Variants in IQGAP2 observed in about 807,000 individuals in gnomAD.
The protein encoded by IQGAP2 is ras GTPase-activating-like protein IQGAP2.
IQGAP2 carries 173 observed loss-of-function variants against 201.3 expected under a neutral mutation model. The observed-to-expected ratio is 0.86, with a 90% CI of 0.76 to 0.98. The LOEUF (loss-of-function observed/expected upper bound fraction) is 0.98. IQGAP2 is among the 50% of genes least tolerant of loss of function. The pLI, the probability that IQGAP2 is intolerant of heterozygous loss-of-function variation, is 0.00. For synonymous variants in IQGAP2, 675 were observed against 673.9 expected (o/e 1.00, Z -0.03); for missense variants, 1,687 against 1,864.8 (o/e 0.90, Z 1.76).
At chr5:76,516,364 C>T (rs1451400772) in intron 2 of IQGAP2, among the ~76,000 whole-genome samples, 1 of 152,138 alleles carries the variant, frequency 6.6e-6, no homozygotes, top group Admixed American at 6.5e-5. Flanking sequence ...ATTAAGATTT[C>T]AGGTGGACAT....
intron 1 of IQGAP2, among the ~76,000 whole-genome samples, chr5:76,457,393 C>A (rs1456366990): frequency 2.0e-5 from 3 of 152,132 alleles, no homozygotes; most frequent in Non-Finnish European, 4.4e-5. Context: ...TCTTGCCAAC[C>A]CTCCCTTCAA....
intron 1 of IQGAP2, among the ~76,000 whole-genome samples, chr5:76,423,780 G>A (rs1751857380): frequency 6.6e-6 from 1 of 152,210 alleles, no homozygotes; most frequent in African/African-American, 2.4e-5. Flanking sequence ...CACTGAGCTA[G>A]TGAGAGAGGG....
At chr5:76,553,856 G>T (rs1399446808) in intron 2 of IQGAP2, among the ~76,000 whole-genome samples, 1 of 152,218 alleles carries the variant, frequency 6.6e-6, no homozygotes, top group South Asian at 2.1e-4. Context: ...AGCAGTGAAT[G>T]CAAGGACAGT....
chr5:76,464,283 G>A (rs1754653122), intron 2 of IQGAP2, among the ~76,000 whole-genome samples: 1 of 152,186 alleles, frequency 6.6e-6, no homozygotes, highest in Admixed American at 6.5e-5. Context: ...TTGAATGCAA[G>A]AAATACAGGA....
At chr5:76,610,917 T>C in intron 12 of IQGAP2, 103 bp from the exon 13 acceptor site, 3 of 875,172 alleles carry the variant, frequency 3.4e-6, no homozygotes, top group South Asian at 1.9e-5. Context: ...TCTTGCATCC[T>C]ATAGCCTTGC....
intron 1 of IQGAP2, among the ~76,000 whole-genome samples, chr5:76,441,950 C>T (rs1420612159): frequency 6.6e-6 from 1 of 152,140 alleles, no homozygotes; most frequent in East Asian, 1.9e-4. Flanking sequence ...GCAGGAAGAG[C>T]TGTTCTACCT....
chr5:76,557,968 G>A (rs911660029), intron 2 of IQGAP2, among the ~76,000 whole-genome samples: 4 of 152,000 alleles, frequency 2.6e-5, no homozygotes, highest in Non-Finnish European at 5.9e-5. Flanking sequence ...TACGATGCCT[G>A]GCTAATTTTT....
intron 2 of IQGAP2, among the ~76,000 whole-genome samples, chr5:76,468,828 T>A (rs538113645): frequency 6.6e-6 from 1 of 152,346 alleles, no homozygotes; most frequent in East Asian, 1.9e-4. Flanking sequence ...TATTCCTCTT[T>A]ATCTAGTCAG....
rs149690686 is a variant in IQGAP2 at position 76,646,848 on chromosome 5, G to A, written c.2094+5745G>A. 1.6e-3 allele frequency among the ~76,000 whole-genome samples: 247 copies of A among 152,082 alleles called. 1 individual carries two copies. The highest frequency in any genetic ancestry group is 2.9e-3 in the Non-Finnish European group (195 of 67,980). On this transcript the variant is annotated intron_variant, in intron 17 of 35. Transcript: ENST00000274364. ...TTCCTTTATATTTAAGTTTACTCAT[G>A]TATATTTTTCTGCTATTGTGAATAA...
At position 76,606,262 on chromosome 5, in the gene IQGAP2, G is replaced by A; in HGVS notation, c.1316G>A (p.Cys439Tyr). 1 of 1,604,320 alleles carries A rather than the reference G, an allele frequency of 6.2e-7. No homozygotes were observed. The highest frequency in any genetic ancestry group is 8.5e-7 in the Non-Finnish European group (1 of 1,174,602). ...DNLSWNEIQNCIDMVNAQIQE... is the reference protein window; with the variant it reads ...DNLSWNEIQNYIDMVNAQIQE... ...TTAAGCTGGAATGAAATTCAGAATT[G>A]TATTGATATGGTTAATGCTCAAATT... is the stretch of plus-strand genomic sequence containing the variant. The change falls in exon 12 of 36, where the codon TGT (cysteine) becomes TAT (tyrosine). Residue 439 changes from cysteine to tyrosine, a missense_variant. Cys to Tyr is a radical substitution (Grantham distance 194, BLOSUM62 -2). Coordinates refer to ENST00000274364, the MANE Select transcript of IQGAP2 (RefSeq NM_006633.5).
In IQGAP2 at chr5:76,671,947, G is replaced by A; in HGVS notation, c.3032G>A (p.Trp1011Ter). 1.2e-6 allele frequency: 2 copies of A among 1,614,036 alleles called. No homozygotes were observed. The highest frequency in any genetic ancestry group is 1.7e-6 in the Non-Finnish European group (2 of 1,179,968). The change falls in exon 24 of 36, where the codon TGG (tryptophan) becomes TAG (stop). Residue 1011 changes from tryptophan (W) to a stop codon, truncating the protein, a stop_gained. Coordinates refer to ENST00000274364, the MANE Select transcript of IQGAP2 (RefSeq NM_006633.5). LOFTEE classifies it high-confidence loss of function. Reference sequence around the variant, plus strand: ...AACCCTGTAGAGGTGTACAAGGCTTGGGTGAACCAACTAGAAACACAGACT... The same window carrying A: ...AACCCTGTAGAGGTGTACAAGGCTTAGGTGAACCAACTAGAAACACAGACT... ...NTNPVEVYKA[W>*]VNQLETQTGE...
intron 1 of IQGAP2, among the ~76,000 whole-genome samples, chr5:76,418,150 T>A (rs2150077632): frequency 7.1e-6 from 1 of 140,360 alleles, no homozygotes; most frequent in Non-Finnish European, 1.5e-5. Context: ...GAGGTTGCAG[T>A]GAGCTGAGAT....
intron 27 of IQGAP2, among the ~76,000 whole-genome samples, chr5:76,675,227 A>C (rs958801785): frequency 1.1e-4 from 17 of 152,218 alleles, no homozygotes. Context: ...CATGGGATGC[A>C]GAACCCACAT....
rs978596360 is a variant in IQGAP2 at position 76,589,594 on chromosome 5, G to A, written c.527-21G>A. On this transcript the variant is annotated intron_variant, in intron 6 of 35. Transcript: ENST00000274364. ...TGTAGCTTTCTCTGATAATGATTAT[G>A]ATTATTTTGTTCTTTGTTAGAGGAG... 5 of 1,332,202 alleles carry A rather than the reference G, an allele frequency of 3.8e-6. No individual in the cohort carries two copies. In the African/African-American group the frequency reaches 7.2e-5, roughly 19 times the overall value. 82.5% of individuals were successfully genotyped at this position (1,332,202 alleles called of 1,614,324 possible).
At chr5:76,671,291 A>G (rs1283166668) in intron 23 of IQGAP2, among the ~76,000 whole-genome samples, 1 of 152,208 alleles carries the variant, frequency 6.6e-6, no homozygotes, top group Non-Finnish European at 1.5e-5. Context: ...ACACCTTATA[A>G]ATGATTGCTT....
intron 1 of IQGAP2, among the ~76,000 whole-genome samples, chr5:76,408,388 C>A (rs1242459451): frequency 1.3e-5 from 2 of 152,108 alleles, no homozygotes; most frequent in East Asian, 3.9e-4. Context: ...TTTGAGAGGG[C>A]CAGTGGTTTT....
At chr5:76,548,677 A>C (rs1743247967) in intron 2 of IQGAP2, among the ~76,000 whole-genome samples, 1 of 152,196 alleles carries the variant, frequency 6.6e-6, no homozygotes, top group South Asian at 2.1e-4. Flanking sequence ...GAGTGATATC[A>C]ATCTCATCAG....
chr5:76,627,626 A>G, intron 14 of IQGAP2, 126 bp downstream of exon 14: 1 of 634,782 alleles, frequency 1.6e-6, no homozygotes, highest in South Asian at 2.2e-5. Context: ...TGGACACATA[A>G]TTATACCGAA....
At chr5:76,434,985 C>T (rs757714749) in intron 1 of IQGAP2, among the ~76,000 whole-genome samples, 2 of 151,402 alleles carry the variant, frequency 1.3e-5, no homozygotes, top group African/African-American at 2.4e-5. Context: ...TGTTTGTTGG[C>T]CATTTTTATA....
Sources: gnomAD v4.1 joint callset for allele counts (sites outside exome capture counted in the v4.1 genomes callset) on GRCh38, gnomAD v4.1.1 for gene constraint, MANE v1.5 for transcripts, NCBI Gene and HGNC (gene_info 2026-07-23, HGNC 2026-07-21) for gene names.